HCN1: variants seen among roughly 807,000 people sequenced by gnomAD.
The protein encoded by HCN1 is potassium/sodium hyperpolarization-activated cyclic nucleotide-gated channel 1.
Under a neutral mutation model 78.9 loss-of-function variants are expected in HCN1, and 13 were observed. The ratio of observed to expected loss-of-function variants is 0.16; its 90% CI spans 0.11 to 0.26. HCN1 has a LOEUF of 0.26. Ranked by LOEUF, HCN1 falls within the 10% of genes least tolerant of loss-of-function variation. The probability of loss-of-function intolerance (pLI) is 1.00; values close to 1 mark genes in which losing one functional copy is unlikely to be tolerated. For synonymous variants in HCN1, 552 were observed against 455.5 expected (o/e 1.21, Z -2.70); for missense variants, 810 against 1,154.3 (o/e 0.70, Z 4.32).
In HCN1 at chr5:45,679,053, G is replaced by C. The variant is rs537024639; in HGVS notation, c.425+16616C>G. 3.5e-4 allele frequency among the ~76,000 whole-genome samples: 53 copies of C among 152,068 alleles called. 1 individual carries two copies. The highest frequency in any genetic ancestry group is 3.2e-3 in the Admixed American group (49 of 15,242). ...CAAAAAATATGTATAATTCCTAAAA[G>C]TGTATAAATTTAAAAGTCTGAGAAA... is the stretch of plus-strand genomic sequence containing the variant. On this transcript the variant is annotated intron_variant, in intron 1 of 7. Coordinates refer to ENST00000303230, the MANE Select transcript of HCN1 (RefSeq NM_021072.4).
At chr5:45,356,032 G>T (rs893542752) in intron 4 of HCN1, among the ~76,000 whole-genome samples, 1 of 151,908 alleles carries the variant, frequency 6.6e-6, no homozygotes, top group Non-Finnish European at 1.5e-5. Context: ...TCACTTCCAT[G>T]TGATGTGAAT....
At chr5:45,681,230 C>T (rs1252204310) in intron 1 of HCN1, among the ~76,000 whole-genome samples, 1 of 152,074 alleles carries the variant, frequency 6.6e-6, no homozygotes, top group Admixed American at 6.6e-5. Context: ...AAAATCAGGT[C>T]TTGCAGTTGT....
chr5:45,645,170 A>G lies in HCN1; in HGVS notation c.849+15T>C. 1 of 1,583,354 alleles carries G rather than the reference A, an allele frequency of 6.3e-7. No individual in the cohort carries two copies. The highest frequency in any genetic ancestry group is 8.7e-7 in the Non-Finnish European group (1 of 1,154,366). On this transcript the variant is annotated intron_variant, in intron 2 of 7. Coordinates refer to ENST00000303230, the MANE Select transcript of HCN1 (RefSeq NM_021072.4). ...TTCATGATATAGATTTAAAAAAGAA[A>G]AAGATGCATCTTACCTCTTCCCATT...
chr5:45,507,227 A>G (rs1327077525), intron 2 of HCN1, among the ~76,000 whole-genome samples: 1 of 152,196 alleles, frequency 6.6e-6, no homozygotes, highest in East Asian at 1.9e-4. Context: ...ACGACTGCTC[A>G]GCTTATGTGG....
At chr5:45,316,892 C>T (rs1386390163) in intron 5 of HCN1, among the ~76,000 whole-genome samples, 1 of 152,256 alleles carries the variant, frequency 6.6e-6, no homozygotes, top group African/African-American at 2.4e-5. Flanking sequence ...GAATTAAAAA[C>T]CACTGCTCAA....
intron 2 of HCN1, among the ~76,000 whole-genome samples, chr5:45,639,599 T>C (rs1188469195): frequency 1.3e-5 from 2 of 152,164 alleles, no homozygotes; most frequent in East Asian, 3.9e-4. Flanking sequence ...AATTGATATT[T>C]AAAATTGTAA....
At chr5:45,339,136 C>T (rs943887450) in intron 5 of HCN1, among the ~76,000 whole-genome samples, 11 of 152,046 alleles carry the variant, frequency 7.2e-5, no homozygotes, top group African/African-American at 1.4e-4. Context: ...TTTTCATTCA[C>T]GACTCTGTTA....
At chr5:45,653,493 T>C (rs1434290324) in intron 1 of HCN1, among the ~76,000 whole-genome samples, 2 of 152,152 alleles carry the variant, frequency 1.3e-5, no homozygotes, top group Non-Finnish European at 2.9e-5. Flanking sequence ...CAATCATCTT[T>C]ATACTTAAAT....
chr5:45,622,360 C>T (rs1279896485), intron 2 of HCN1, among the ~76,000 whole-genome samples: 1 of 152,096 alleles, frequency 6.6e-6, no homozygotes, highest in Non-Finnish European at 1.5e-5. Context: ...GGGATGAATG[C>T]TTTAAAAACT....
At chr5:45,322,861 T>C (rs2111938643) in intron 5 of HCN1, among the ~76,000 whole-genome samples, 1 of 151,958 alleles carries the variant, frequency 6.6e-6, no homozygotes, top group Non-Finnish European at 1.5e-5. Flanking sequence ...TTGACAAAAA[T>C]CACAGCATGT....
At chr5:45,287,442 T>C (rs1434243682) in intron 6 of HCN1, among the ~76,000 whole-genome samples, 3 of 152,076 alleles carry the variant, frequency 2.0e-5, no homozygotes, top group African/African-American at 7.2e-5. Flanking sequence ...CCAAAAATGA[T>C]AAAGATTATA....
intron 2 of HCN1, among the ~76,000 whole-genome samples, chr5:45,566,657 A>C (rs1177554845): frequency 6.6e-6 from 1 of 152,156 alleles, no homozygotes; most frequent in Non-Finnish European, 1.5e-5. Flanking sequence ...ATAACAATAA[A>C]ATGAGAGGAA....
intron 5 of HCN1, among the ~76,000 whole-genome samples, chr5:45,325,449 G>A (rs1478717521): frequency 2.0e-5 from 3 of 151,586 alleles, no homozygotes; most frequent in East Asian, 1.9e-4. Context: ...ATAAATGTGG[G>A]TTTTGATCAA....
At chr5:45,425,104 A>T (rs1740319537) in intron 3 of HCN1, among the ~76,000 whole-genome samples, 2 of 152,200 alleles carry the variant, frequency 1.3e-5, no homozygotes, top group Non-Finnish European at 1.5e-5. Flanking sequence ...GCAAGGGATA[A>T]GTGGTGGTTT....
chr5:45,371,441 G>A (rs1382207216), intron 4 of HCN1, among the ~76,000 whole-genome samples: 1 of 151,856 alleles, frequency 6.6e-6, no homozygotes, highest in East Asian at 1.9e-4. Context: ...TGACAAAGGG[G>A]ATATTACCAC....
intron 4 of HCN1, among the ~76,000 whole-genome samples, chr5:45,375,772 CTT>C (rs1459757810): frequency 1.1e-5 from 1 of 95,056 alleles, no homozygotes; most frequent in African/African-American, 4.3e-5. Flanking sequence ...TATGATATAT[CTT>C]ATATATAATA....
chr5:45,507,944 T>G (rs1452755696), intron 2 of HCN1, among the ~76,000 whole-genome samples: 2 of 152,156 alleles, frequency 1.3e-5, no homozygotes, highest in African/African-American at 2.4e-5. Context: ...ACATTATATG[T>G]GTGCAGGAAA....
At chr5:45,645,731 T>G in intron 1 of HCN1, 123 bp from the exon 2 acceptor site, 1 of 595,176 alleles carries the variant, frequency 1.7e-6, no homozygotes, top group African/African-American at 1.9e-5. Flanking sequence ...ATGATTTTAT[T>G]TTTTAAAAAT....
intron 1 of HCN1, among the ~76,000 whole-genome samples, chr5:45,670,364 A>G (rs1330647144): frequency 6.6e-6 from 1 of 151,720 alleles, no homozygotes; most frequent in Non-Finnish European, 1.5e-5. Context: ...GCAGTTAAAC[A>G]ACTGAAGCTA....
Sources: allele counts gnomAD v4.1 joint callset (sites outside exome capture counted in the v4.1 genomes callset), GRCh38; gene constraint gnomAD v4.1.1; transcripts MANE v1.5; gene names NCBI Gene and HGNC (gene_info 2026-07-23, HGNC 2026-07-21).